NRXN1: variants seen among roughly 807,000 people sequenced by gnomAD.
NRXN1 encodes the protein neurexin 1.
NRXN1 carries 39 observed loss-of-function variants against 150.9 expected under a neutral mutation model. That is an observed-to-expected ratio of 0.26 (90% CI 0.20 to 0.34). NRXN1 has a LOEUF of 0.34. Ranked by LOEUF, NRXN1 falls within the 10% of genes least tolerant of loss-of-function variation. The pLI is 1.00. For synonymous variants in NRXN1, 924 were observed against 757.0 expected (o/e 1.22, Z -3.62); for missense variants, 1,815 against 1,949.9 (o/e 0.93, Z 1.30).
intron 5 of NRXN1, among the ~76,000 whole-genome samples, chr2:50,880,339 C>T (rs891352685): frequency 2.6e-5 from 4 of 151,884 alleles, no homozygotes; most frequent in African/African-American, 9.7e-5. Context: ...TTCTGAAAGG[C>T]CAAGACAATG....
chr2:50,245,725 T>A (rs1236306546), intron 17 of NRXN1, among the ~76,000 whole-genome samples: 2 of 151,674 alleles, frequency 1.3e-5, no homozygotes, highest in Non-Finnish European at 2.9e-5. Flanking sequence ...TTCTTTACTA[T>A]AATTATGGTC....
At chr2:50,747,317 G>T (rs1376180570) in intron 5 of NRXN1, among the ~76,000 whole-genome samples, 1 of 152,092 alleles carries the variant, frequency 6.6e-6, no homozygotes, top group Non-Finnish European at 1.5e-5. Context: ...GGAATGAGGA[G>T]ATCAGACAAA....
intron 9 of NRXN1, among the ~76,000 whole-genome samples, chr2:50,549,152 C>T (rs1644010152): frequency 6.6e-6 from 1 of 152,046 alleles, no homozygotes; most frequent in African/African-American, 2.4e-5. Flanking sequence ...TTGTAAGTGA[C>T]CTCTGAATCT....
At chr2:50,394,281 T>A (rs2081924967) in intron 17 of NRXN1, among the ~76,000 whole-genome samples, 1 of 152,068 alleles carries the variant, frequency 6.6e-6, no homozygotes, top group Non-Finnish European at 1.5e-5. Flanking sequence ...CATGTATCCA[T>A]CTACCTACTT....
chr2:50,097,460 A>T (rs749991786), intron 18 of NRXN1, among the ~76,000 whole-genome samples: 2 of 152,244 alleles, frequency 1.3e-5, no homozygotes, highest in Middle Eastern at 3.4e-3. Flanking sequence ...GGTGAATGGA[A>T]TGTTTTGCTT....
At chr2:50,462,986 T>G (rs1558774163) in intron 17 of NRXN1, among the ~76,000 whole-genome samples, 1 of 151,834 alleles carries the variant, frequency 6.6e-6, no homozygotes, top group African/African-American at 2.4e-5. Context: ...TCTATTTTCT[T>G]TTTTGTTTTC....
intron 5 of NRXN1, among the ~76,000 whole-genome samples, chr2:50,680,223 T>C (rs1200599285): frequency 6.6e-6 from 1 of 152,076 alleles, no homozygotes. Context: ...ACTGAATATA[T>C]AATTATAATA....
intron 17 of NRXN1, among the ~76,000 whole-genome samples, chr2:50,241,807 C>T (rs1319779276): frequency 6.6e-6 from 1 of 151,748 alleles, no homozygotes; most frequent in Admixed American, 6.6e-5. Context: ...TGCCAACTGT[C>T]CCTTGCCTAA....
At chr2:50,770,910 TCAAATATGATTC>T (rs1559237569) in intron 5 of NRXN1, among the ~76,000 whole-genome samples, 2 of 152,076 alleles carry the variant, frequency 1.3e-5, no homozygotes, top group African/African-American at 4.8e-5. Context: ...CACAGTACTC[TCAAATATGATTC>T]CAGGGTAAAA....
At chr2:50,799,202 C>T (rs923786737) in intron 5 of NRXN1, among the ~76,000 whole-genome samples, 5 of 152,270 alleles carry the variant, frequency 3.3e-5, no homozygotes, top group East Asian at 3.9e-4. Context: ...ATGAATTCAT[C>T]GGTCAATGGA....
At chr2:50,351,012 C>T (rs567764758) in intron 17 of NRXN1, among the ~76,000 whole-genome samples, 6 of 152,256 alleles carry the variant, frequency 3.9e-5, no homozygotes, top group Admixed American at 3.3e-4. Flanking sequence ...GAGCAATTCT[C>T]TGTCTAGATA....
rs932723264 is a variant in NRXN1, at chr2:50,296,582, C to T, written c.3365-59612G>A. 6.9e-5 allele frequency among the ~76,000 whole-genome samples: 10 copies of T among 145,324 alleles called. No individual in the cohort carries two copies. The East Asian group carries it at 2.2e-3, about 31-fold the overall frequency. On this transcript the variant is annotated intron_variant, in intron 17 of 22. Transcript: ENST00000401669. ...CTCCTGGGTTCACACAATTTTCCCA[C>T]CTCAGCTTCTTGAGTAGTTGGAACA...
intron 5 of NRXN1, among the ~76,000 whole-genome samples, chr2:50,843,816 G>A (rs1673223288): frequency 6.6e-6 from 1 of 152,104 alleles, no homozygotes; most frequent in South Asian, 2.1e-4. Flanking sequence ...AACAGTTTAT[G>A]CCCTAAAACT....
rs2078160931 is a variant in NRXN1 at position 50,347,917 on chromosome 2, C to A, written c.3365-110947G>T. ...CGAAAATCGCCCTGCTTTGCCTCTC[C>A]CTTGCATTCTCCACGCATCAAAGGG... is the stretch of plus-strand genomic sequence containing the variant. On this transcript the variant is annotated intron_variant, in intron 17 of 22. Coordinates refer to ENST00000401669, the MANE Select transcript of NRXN1 (RefSeq NM_001330078.2). The surrounding 1 kb of genome is among the most constrained non-coding windows in gnomAD (Gnocchi z 4.9). 3.6e-6 allele frequency: 3 copies of A among 841,756 alleles called. No individual in the cohort carries two copies. The highest frequency in any genetic ancestry group is 4.3e-6 in the Non-Finnish European group (3 of 699,032). 52.1% of individuals were successfully genotyped at this position (841,756 alleles called of 1,614,324 possible). A position where few individuals can be genotyped will look rare whatever the true frequency, so the allele number is the denominator to read the frequency against.
chr2:50,605,470 C>T (rs1250778835), intron 8 of NRXN1, among the ~76,000 whole-genome samples: 1 of 152,044 alleles, frequency 6.6e-6, no homozygotes, highest in East Asian at 1.9e-4. Context: ...AAATGGGCTA[C>T]GGACTTGAAT....
intron 5 of NRXN1, among the ~76,000 whole-genome samples, chr2:50,625,337 T>G (rs528629722): frequency 8.2e-4 from 125 of 152,188 alleles, no homozygotes; most frequent in Admixed American, 2.4e-3. Flanking sequence ...TCACCAGGAA[T>G]TGAGCCCTGG....
At chr2:50,357,407 C>G (rs1341297083) in intron 17 of NRXN1, among the ~76,000 whole-genome samples, 1 of 151,996 alleles carries the variant, frequency 6.6e-6, no homozygotes, top group Non-Finnish European at 1.5e-5. Context: ...CTCCTGGGTT[C>G]AGACGATTCT....
At chr2:50,938,214 A>G (rs1387358653) in intron 2 of NRXN1, among the ~76,000 whole-genome samples, 32 of 152,206 alleles carry the variant, frequency 2.1e-4, no homozygotes, top group Non-Finnish European at 1.8e-4. Flanking sequence ...TGTAAACTTT[A>G]TAAACATGGT....
intron 5 of NRXN1, chr2:50,637,707 C>T (rs1213490681): frequency 6.6e-6 from 1 of 152,168 alleles, no homozygotes. Flanking sequence ...ACTTGGATAG[C>T]TCTACTTGTG....
Sources: allele counts gnomAD v4.1 joint callset (sites outside exome capture counted in the v4.1 genomes callset), GRCh38; gene constraint gnomAD v4.1.1; non-coding constraint Gnocchi (gnomAD v3.1); transcripts MANE v1.5; gene names NCBI Gene and HGNC (gene_info 2026-07-23, HGNC 2026-07-21).